SORCS1: variants seen among roughly 807,000 people sequenced by gnomAD.
The protein encoded by SORCS1 is sortilin related VPS10 domain containing receptor 1, also known as VPS10 domain-containing receptor SorCS1.
Under a neutral mutation model 146.1 loss-of-function variants are expected in SORCS1, and 60 were observed. The observed-to-expected ratio is 0.41, with a 90% CI of 0.33 to 0.51. SORCS1 has a LOEUF of 0.51. Ranked by LOEUF, SORCS1 falls within the 20% of genes least tolerant of loss-of-function variation. The pLI is 0.21. For synonymous variants in SORCS1, 637 were observed against 584.0 expected, an observed-to-expected ratio of 1.09 and a Z score of -1.31; for missense variants, 1,352 against 1,487.6, an observed-to-expected ratio of 0.91 and a Z score of 1.50.
At chr10:106,628,959 G>A (rs1487509530) in intron 19 of SORCS1, among the ~76,000 whole-genome samples, 8 of 152,132 alleles carry the variant, frequency 5.3e-5, no homozygotes, top group Non-Finnish European at 8.8e-5. Flanking sequence ...CAAGGCACCC[G>A]GGGTAAGCAG....
chr10:106,626,759 G>A (rs1330116868), intron 19 of SORCS1, among the ~76,000 whole-genome samples: 3 of 152,180 alleles, frequency 2.0e-5, no homozygotes, highest in African/African-American at 7.2e-5. Context: ...AAACATGTCA[G>A]AATCTGCTGA....
intron 2 of SORCS1, among the ~76,000 whole-genome samples, chr10:106,850,871 G>T (rs566026043): frequency 1.3e-5 from 2 of 152,056 alleles, no homozygotes; most frequent in Non-Finnish European, 2.9e-5. Flanking sequence ...CACGCCCTAC[G>T]GCCCTATTCT....
chr10:106,650,003 C>A (rs1040870907), intron 18 of SORCS1, among the ~76,000 whole-genome samples: 17 of 152,090 alleles, frequency 1.1e-4, no homozygotes, highest in African/African-American at 4.1e-4. Flanking sequence ...CATTCATGAA[C>A]ATAATAATCA....
intron 1 of SORCS1, among the ~76,000 whole-genome samples, chr10:107,096,807 C>T (rs1296827928): frequency 1.3e-5 from 2 of 152,102 alleles, no homozygotes; most frequent in Non-Finnish European, 2.9e-5. Flanking sequence ...CCACCGCACC[C>T]GGCCCTATCA....
At chr10:106,773,769 G>A (rs1015471888) in intron 4 of SORCS1, among the ~76,000 whole-genome samples, 9 of 152,006 alleles carry the variant, frequency 5.9e-5, no homozygotes, top group African/African-American at 1.9e-4. Flanking sequence ...CCAACAAGGC[G>A]AAACCCCGTC....
At chr10:106,879,449 G>A (rs2137697576) in intron 2 of SORCS1, among the ~76,000 whole-genome samples, 1 of 152,290 alleles carries the variant, frequency 6.6e-6, no homozygotes, top group South Asian at 2.1e-4. Context: ...GTGTAGGTGA[G>A]TGTAAGTAGG....
intron 1 of SORCS1, among the ~76,000 whole-genome samples, chr10:107,016,799 T>C (rs774023521): frequency 1.9e-4 from 29 of 152,084 alleles, no homozygotes; most frequent in Non-Finnish European, 4.0e-4. Context: ...ACTCATACCA[T>C]AAATATATAA....
At chr10:107,155,175 G>T (rs1450901309) in intron 1 of SORCS1, among the ~76,000 whole-genome samples, 3 of 152,140 alleles carry the variant, frequency 2.0e-5, no homozygotes, top group Non-Finnish European at 4.4e-5. Flanking sequence ...ATTCCAATAG[G>T]TCTTCACTGT....
intron 2 of SORCS1, among the ~76,000 whole-genome samples, chr10:106,855,453 C>T (rs1949749540): frequency 6.6e-6 from 1 of 152,150 alleles, no homozygotes; most frequent in Non-Finnish European, 1.5e-5. Context: ...CAGAAATTCT[C>T]AGTTATCATT....
At chr10:106,713,296 C>T (rs1476140365) in intron 6 of SORCS1, among the ~76,000 whole-genome samples, 1 of 152,168 alleles carries the variant, frequency 6.6e-6, no homozygotes, top group Non-Finnish European at 1.5e-5. Flanking sequence ...AATGGCTAAA[C>T]ACAATGAGAG....
At chr10:106,588,956 T>C (rs952116511) in intron 24 of SORCS1, among the ~76,000 whole-genome samples, 7 of 151,526 alleles carry the variant, frequency 4.6e-5, no homozygotes, top group African/African-American at 1.5e-4. Context: ...AAAATCTCTA[T>C]CTTTATAAAG....
At chr10:106,891,512 T>TTTTTTTTTTTTTTTTTG (rs1951235112) in intron 2 of SORCS1, among the ~76,000 whole-genome samples, 1 of 147,252 alleles carries the variant, frequency 6.8e-6, no homozygotes, top group African/African-American at 2.5e-5. Context: ...TTCTTTTTTT[T>TTTTTTTTTTTTTTTTTG]TTTTTGAGAA....
intron 24 of SORCS1, among the ~76,000 whole-genome samples, chr10:106,591,578 G>A (rs1017029223): frequency 1.3e-5 from 2 of 152,182 alleles, no homozygotes; most frequent in African/African-American, 4.8e-5. Context: ...AACAATATTT[G>A]TTAAGCACCT....
intron 3 of SORCS1, among the ~76,000 whole-genome samples, chr10:106,791,604 C>T (rs189070321): frequency 6.6e-6 from 1 of 152,126 alleles, no homozygotes; most frequent in Admixed American, 6.6e-5. Context: ...GAGGCTAAGG[C>T]AGGAGAATCG....
At chr10:107,095,270 A>G (rs369273684) in intron 1 of SORCS1, among the ~76,000 whole-genome samples, 8 of 152,194 alleles carry the variant, frequency 5.3e-5, no homozygotes, top group Non-Finnish European at 1.2e-4. Flanking sequence ...AGGAAACAGA[A>G]GGCAATCTGT....
chr10:106,887,681 T>C (rs962478454), intron 2 of SORCS1, among the ~76,000 whole-genome samples: 1 of 152,064 alleles, frequency 6.6e-6, no homozygotes, highest in African/African-American at 2.4e-5. Flanking sequence ...GACAAATAAT[T>C]AGCTTAAAAC....
At chr10:106,799,941 G>T (rs2486154) in intron 3 of SORCS1, among the ~76,000 whole-genome samples, 72,436 of 152,008 alleles carry the variant, frequency 0.48, 17,854 homozygotes, top group African/African-American at 0.61. Flanking sequence ...TATTCTTCAA[G>T]TTCCTGCAAG....
chr10:106,691,086 G>A (rs1028356516), intron 9 of SORCS1, among the ~76,000 whole-genome samples: 7 of 152,182 alleles, frequency 4.6e-5, no homozygotes, highest in Admixed American at 4.6e-4. Context: ...CTCTCTTTGT[G>A]TGAGTGTAAG....
At chr10:107,049,388 G>A (rs951682043) in intron 1 of SORCS1, among the ~76,000 whole-genome samples, 25 of 151,796 alleles carry the variant, frequency 1.6e-4, no homozygotes, top group South Asian at 8.4e-4. Context: ...CCTGCACATC[G>A]TGCACATGTA....
Sources: gnomAD v4.1 joint callset for allele counts (sites outside exome capture counted in the v4.1 genomes callset) on GRCh38, gnomAD v4.1.1 for gene constraint, MANE v1.5 for transcripts, NCBI Gene and HGNC (gene_info 2026-07-23, HGNC 2026-07-21) for gene names.